Variants in COBL observed in about 807,000 individuals in gnomAD.
COBL encodes protein cordon-bleu.
Under a neutral mutation model 98.8 loss-of-function variants are expected in COBL, and 51 were observed. The ratio of observed to expected loss-of-function variants is 0.52; its 90% CI spans 0.41 to 0.65. The LOEUF is 0.65. Among genes scored for constraint, COBL ranks in the 30% least tolerant of loss-of-function variants. The pLI is 0.00. For missense variants in COBL, 1,617 were observed against 1,617.5 expected (o/e 1.00, Z 0.01); for synonymous variants, 634 against 651.7 (o/e 0.97, Z 0.41).
At chr7:51,113,488 C>T (rs1583838296) in intron 6 of COBL, among the ~76,000 whole-genome samples, 1 of 152,158 alleles carries the variant, frequency 6.6e-6, no homozygotes, top group Non-Finnish European at 1.5e-5. Context: ...TTTTTAGTCA[C>T]TGGAAGCTTT....
intron 6 of COBL, among the ~76,000 whole-genome samples, chr7:51,092,933 G>A (rs535757413): frequency 1.9e-4 from 14 of 75,578 alleles, no homozygotes; most frequent in African/African-American, 6.4e-4. Flanking sequence ...CCATTTTTGT[G>A]TGCCCTTTCC....
chr7:51,301,943 A>C (rs1802008762), intron 1 of COBL, among the ~76,000 whole-genome samples: 1 of 152,298 alleles, frequency 6.6e-6, no homozygotes, highest in East Asian at 1.9e-4. Flanking sequence ...AAAACCTGGT[A>C]GCTTTGCCTC....
chr7:51,281,917 TA>T (rs1563123178), intron 1 of COBL, among the ~76,000 whole-genome samples: 1 of 152,114 alleles, frequency 6.6e-6, no homozygotes, highest in Admixed American at 6.5e-5. Flanking sequence ...ATGTAACACA[TA>T]ACCATGAAGG....
chr7:51,286,081 C>A (rs1800335213), intron 1 of COBL, among the ~76,000 whole-genome samples: 1 of 152,080 alleles, frequency 6.6e-6, no homozygotes, highest in South Asian at 2.1e-4. Context: ...ACCTAAGTCA[C>A]ATGCCTTATA....
At chr7:51,080,620 G>A (rs1049760958) in intron 7 of COBL, among the ~76,000 whole-genome samples, 1 of 152,210 alleles carries the variant, frequency 6.6e-6, no homozygotes, top group Non-Finnish European at 1.5e-5. Context: ...GGCCTCATAT[G>A]TACTCAGGGT....
Position 51,017,200 on chromosome 7 carries a change from C to G in COBL, c.*351G>C, listed in dbSNP as rs559236721. 1.6e-5 allele frequency: 8 copies of G among 496,802 alleles called. No homozygotes were observed. Among genetic ancestry groups the G allele is most frequent in the African/African-American group, 1.5e-4 (8 of 51,646 alleles). 30.8% of individuals were successfully genotyped at this position (496,802 alleles called of 1,614,324 possible). ...GGTAAAAGTCTCAAAGGTCCAAAAT[C>G]AGTCTAAGGCATGATTCTTTTTACT... On this transcript the variant is annotated 3_prime_UTR_variant, in exon 13 of 13. Transcript: ENST00000265136.
chr7:51,200,229 CACCACTAG>C (rs1459395263), intron 2 of COBL, among the ~76,000 whole-genome samples: 26 of 152,152 alleles, frequency 1.7e-4, no homozygotes, highest in Non-Finnish European at 3.1e-4. Context: ...GGAAGTTTGT[CACCACTAG>C]ACCTGCTAAA....
At chr7:51,247,221 A>G (rs1463399471) in intron 1 of COBL, among the ~76,000 whole-genome samples, 4 of 152,062 alleles carry the variant, frequency 2.6e-5, no homozygotes, top group Non-Finnish European at 4.4e-5. Flanking sequence ...ATGACTCCCA[A>G]TTGGGATTGG....
In COBL at chr7:51,153,650, G is replaced by A. The variant is rs116611301; in HGVS notation, c.784-17319C>T. Among the ~76,000 whole-genome samples the A allele has an allele frequency of 2.0e-3, 306 of 152,266 alleles. 1 individual carries two copies. The highest frequency in any genetic ancestry group is 7.2e-3 in the African/African-American group (300 of 41,554). ...CTGCTGATAGCCAGTGAACTCACAC[G>A]ACTTCTTTACATCCTTCCCTTCCTT... On this transcript the variant is annotated intron_variant, in intron 5 of 12. Coordinates refer to ENST00000265136, the MANE Select transcript of COBL (RefSeq NM_015198.5).
chr7:51,184,254 A>G, intron 4 of COBL, 55 bp from the exon 5 acceptor site: 2 of 993,998 alleles, frequency 2.0e-6, no homozygotes, highest in Non-Finnish European at 2.9e-6. Context: ...GAGATTCAAT[A>G]CTTTACTTAA....
At chr7:51,083,297 C>T in intron 7 of COBL, 1 of 1,229,980 alleles carries the variant, frequency 8.1e-7, no homozygotes, top group African/African-American at 1.5e-5. Flanking sequence ...GCACCAAATC[C>T]AACCTCACTG....
intron 6 of COBL, among the ~76,000 whole-genome samples, chr7:51,132,933 T>C (rs889984127): frequency 6.6e-6 from 1 of 152,058 alleles, no homozygotes; most frequent in Admixed American, 6.5e-5. Context: ...GAGGGATCCA[T>C]CTCCATGACC....
intron 6 of COBL, 85 bp from the exon 7 acceptor site, chr7:51,085,389 G>T: frequency 7.2e-7 from 1 of 1,390,206 alleles, no homozygotes. Context: ...TGATTGTGCT[G>T]GGGCAGGGAC....
intron 5 of COBL, among the ~76,000 whole-genome samples, chr7:51,142,219 A>G (rs1799825151): frequency 6.6e-6 from 1 of 151,962 alleles, no homozygotes; most frequent in South Asian, 2.1e-4. Context: ...TGCCTGGGGG[A>G]TGGCATTTTA....
At chr7:51,269,907 T>G (rs1015562799) in intron 1 of COBL, among the ~76,000 whole-genome samples, 1 of 152,194 alleles carries the variant, frequency 6.6e-6, no homozygotes, top group Non-Finnish European at 1.5e-5. Flanking sequence ...CTGAGCCTGC[T>G]GGCGGCCATA....
chr7:51,055,804 A>G (rs536341737), intron 7 of COBL, among the ~76,000 whole-genome samples: 13 of 152,282 alleles, frequency 8.5e-5, no homozygotes, highest in African/African-American at 3.1e-4. Flanking sequence ...ATCCCCATGT[A>G]GCTTTCTGTT....
chr7:51,250,527 CAG>C (rs1376083509), intron 1 of COBL, among the ~76,000 whole-genome samples: 1 of 152,006 alleles, frequency 6.6e-6, no homozygotes, highest in Non-Finnish European at 1.5e-5. Context: ...CTGAAAATGA[CAG>C]AGTGGGAGGA....
intron 1 of COBL, among the ~76,000 whole-genome samples, chr7:51,233,741 T>A (rs577523082): frequency 3.3e-5 from 5 of 152,272 alleles, no homozygotes; most frequent in Non-Finnish European, 7.4e-5. Flanking sequence ...CGGACTCACA[T>A]GACACCACAG....
At chr7:51,052,904 G>A (rs1790374891) in intron 7 of COBL, among the ~76,000 whole-genome samples, 1 of 152,212 alleles carries the variant, frequency 6.6e-6, no homozygotes, top group South Asian at 2.1e-4. Flanking sequence ...CACTCTGGAT[G>A]TAAATTTGAT....
Sources: allele counts gnomAD v4.1 joint callset (sites outside exome capture counted in the v4.1 genomes callset), GRCh38; gene constraint gnomAD v4.1.1; transcripts MANE v1.5; gene names NCBI Gene and HGNC (gene_info 2026-07-23, HGNC 2026-07-21).